The following MCF2L variants were observed in gnomAD, a reference collection of about 807,000 sequenced individuals.
MCF2L encodes the protein guanine nucleotide exchange factor DBS.
In MCF2L, 97 loss-of-function variants were observed where a neutral mutation model predicts 153.4. The ratio of observed to expected loss-of-function variants is 0.63; its 90% CI spans 0.54 to 0.75. The LOEUF is 0.75. Among genes scored for constraint, MCF2L ranks in the 30% least tolerant of loss-of-function variants. MCF2L has a pLI of 0.00. For missense variants in MCF2L, 1,347 were observed against 1,495.2 expected (o/e 0.90, Z 1.64); for synonymous variants, 659 against 632.2 (o/e 1.04, Z -0.64).
intron 3 of MCF2L, among the ~76,000 whole-genome samples, chr13:113,041,254 C>T (rs1443760910): frequency 6.6e-6 from 1 of 152,212 alleles, no homozygotes; most frequent in Non-Finnish European, 1.5e-5. Flanking sequence ...AGAAGCCACA[C>T]CACCCTCTCC....
chr13:113,054,461 C>T lies in MCF2L; in HGVS notation c.370-6132C>T, dbSNP rs141109005. The T allele has an allele frequency of 3.7e-3, 613 of 166,798 alleles. 2 individuals carry two copies. Among genetic ancestry groups the T allele is most frequent in the Non-Finnish European group, 6.7e-3 (458 of 68,116 alleles). The allele number at this position is 166,798 out of a possible 1,614,324, so 10.3% of individuals were successfully genotyped here. On this transcript the variant is annotated intron_variant, in intron 4 of 29. Coordinates refer to ENST00000535094, the MANE Select transcript of MCF2L (RefSeq NM_001112732.3). This position sits in a 1 kb window ranked among gnomAD's most constrained non-coding sequence, Gnocchi z 5.2. ...GGGTCCACGCCCATTGTTTTCCTCA[C>T]CCGGTCCAGCGTCTCTGATTCCGGC...
At chr13:113,095,509 G>A (rs2035571180) in intron 27 of MCF2L, 1 of 1,055,906 alleles carries the variant, frequency 9.5e-7, no homozygotes. Flanking sequence ...TTTGTGGGGT[G>A]TGGGGAGTGA....
chr13:113,002,078 C>A, intron 1 of MCF2L: 2 of 1,364,450 alleles, frequency 1.5e-6, no homozygotes, highest in Non-Finnish European at 1.9e-6. Context: ...CTGGGCCCAG[C>A]CCTGTCCTCA....
upstream of MCF2L, among the ~76,000 whole-genome samples, chr13:112,969,057 G>T (rs547493316): frequency 1.2e-3 from 183 of 151,822 alleles, no homozygotes; most frequent in African/African-American, 4.3e-3. The surrounding 1 kb of genome is among the most constrained non-coding windows in gnomAD (Gnocchi z 4.8). Context: ...GACCGCGGCG[G>T]TGACACGCGG....
chr13:113,081,294 G>C lies in MCF2L; in HGVS notation c.1875+15G>C. 6.4e-7 allele frequency: 1 copy of C among 1,572,790 alleles called. No individual in the cohort carries two copies. Among genetic ancestry groups the C allele is most frequent in the Non-Finnish European group, 8.6e-7 (1 of 1,160,486 alleles). On this transcript the variant is annotated intron_variant, in intron 16 of 29. Transcript: ENST00000535094. ...GCGTCCTGGAGGTGAGGCTGGACTC[G>C]GGGAGGGCCGACTGCCACGGGGACT...
chr13:113,070,158 G>C lies in MCF2L; in HGVS notation c.981G>C (p.Glu327Asp). Residue 327 changes from glutamate to aspartate, a missense_variant, in exon 9 of 30, where the codon GAG (glutamate) becomes GAC (aspartate). Glu to Asp is a conservative substitution (Grantham distance 45, BLOSUM62 2). Around this residue, in one of 3 missense-constraint regions of MCF2L, gnomAD observed 820 missense variants for 921.2 expected, o/e 0.89. Transcript: ENST00000535094. The surrounding 1 kb of genome is among the most constrained non-coding windows in gnomAD (Gnocchi z 5.6). ...LEQCLQLRHF[E>D]QGFREVKAIL... Reference sequence around the variant, plus strand: ...AGTGTCTGCAGCTCCGGCACTTTGAGCAGGGCTTCCGGGAGGTGAGTGGCC... The same window carrying C: ...AGTGTCTGCAGCTCCGGCACTTTGACCAGGGCTTCCGGGAGGTGAGTGGCC... The C allele has an allele frequency of 6.2e-7, 1 of 1,600,574 alleles. No individual in the cohort carries two copies. The highest frequency in any genetic ancestry group is 8.5e-7 in the Non-Finnish European group (1 of 1,175,286).
At chr13:112,995,886 G>A (rs1343116877) in intron 1 of MCF2L, among the ~76,000 whole-genome samples, 3 of 152,216 alleles carry the variant, frequency 2.0e-5, no homozygotes, top group Non-Finnish European at 2.9e-5. Flanking sequence ...ACTGACATCC[G>A]CATGCCAAGC....
At chr13:112,954,293 C>T (rs556560064) in intron 2 of MCF2L, among the ~76,000 whole-genome samples, 9 of 152,274 alleles carry the variant, frequency 5.9e-5, no homozygotes, top group Admixed American at 1.3e-4. Flanking sequence ...TGAGCCTTCT[C>T]ACCTGTCCAC....
At chr13:112,980,548 A>C (rs2082372285) in intron 1 of MCF2L, among the ~76,000 whole-genome samples, 1 of 150,542 alleles carries the variant, frequency 6.6e-6, no homozygotes, top group South Asian at 2.1e-4. Flanking sequence ...CAGCGAACAC[A>C]TCCAGGCGAT....
intron 4 of MCF2L, among the ~76,000 whole-genome samples, chr13:113,050,020 G>C (rs529527367): frequency 6.8e-6 from 1 of 147,508 alleles, no homozygotes; most frequent in East Asian, 2.0e-4. Flanking sequence ...ACCCACCCAG[G>C]GGGCAGAAAG....
At chr13:112,956,372 A>G (rs1257522342) in intron 2 of MCF2L, 1 of 152,266 alleles carries the variant, frequency 6.6e-6, no homozygotes, top group Non-Finnish European at 1.5e-5. Flanking sequence ...ATCAAGAAAT[A>G]TGGCCTGAAA....
rs77754101 is a variant in MCF2L, at chr13:112,926,228, G to A, written c.169+23857G>A. On this transcript the variant is annotated intron_variant, in intron 2 of 29. Coordinates refer to the MCF2L transcript ENST00000375608. ...CTATATGCACAGTGGAGTACTGTACGGCCTAATCTATATACACAGCGGAGT... is the reference window on the plus strand; with the variant it reads ...CTATATGCACAGTGGAGTACTGTACAGCCTAATCTATATACACAGCGGAGT... 2.2e-3 allele frequency among the ~76,000 whole-genome samples: 334 copies of A among 151,974 alleles called. 6 individuals are homozygous for A. In the East Asian group the frequency reaches 0.034, roughly 15 times the overall value.
At chr13:112,985,020 T>TTTC (rs1481737999) in intron 1 of MCF2L, 1 of 189,420 alleles carries the variant, frequency 5.3e-6, no homozygotes, top group Non-Finnish European at 1.1e-5. Context: ...ACCTGCTGCG[T>TTTC]TTCATCTTCC....
chr13:112,958,841 CA>C (rs2081790062), intron 2 of MCF2L, among the ~76,000 whole-genome samples: 1 of 152,156 alleles, frequency 6.6e-6, no homozygotes, highest in Non-Finnish European at 1.5e-5. Context: ...CCTGGAGGCT[CA>C]AGGTGACTTC....
intron 2 of MCF2L, among the ~76,000 whole-genome samples, chr13:113,016,940 G>C (rs1594674153): frequency 6.6e-6 from 1 of 152,214 alleles, no homozygotes. Context: ...GGTGCACCCA[G>C]CCTCAGAGCC....
At chr13:113,078,319 G>C in intron 13 of MCF2L, 44 bp from the exon 14 acceptor site, 2 of 1,481,862 alleles carry the variant, frequency 1.3e-6, no homozygotes, top group Non-Finnish European at 1.9e-6. Context: ...CCTCTCCAGA[G>C]GGTCAGAGGG....
At chr13:113,075,906 C>T (rs905087565) in intron 11 of MCF2L, 60 bp from the exon 12 acceptor site, 1 of 1,337,252 alleles carries the variant, frequency 7.5e-7, no homozygotes, top group Non-Finnish European at 1.0e-6. Flanking sequence ...TGTGCCTGGA[C>T]AGGGTGACGC....
intron 1 of MCF2L, among the ~76,000 whole-genome samples, chr13:113,005,277 A>C (rs1480114586): frequency 6.6e-6 from 1 of 152,224 alleles, no homozygotes; most frequent in African/African-American, 2.4e-5. Context: ...CAGAAAGGCA[A>C]AGCCACGGCC....
chr13:113,096,077 G>A (rs2035622131), intron 27 of MCF2L: 5 of 527,938 alleles, frequency 9.5e-6, no homozygotes, highest in Non-Finnish European at 1.7e-5. Flanking sequence ...CCTCCGGGAG[G>A]CGGGTATGCA....
Sources: gnomAD v4.1 joint callset for allele counts (sites outside exome capture counted in the v4.1 genomes callset) on GRCh38, gnomAD v4.1.1 for gene constraint, gnomAD v4.1.1 regional missense constraint, Gnocchi (gnomAD v3.1) non-coding constraint, MANE v1.5 for transcripts, NCBI Gene and HGNC (gene_info 2026-07-23, HGNC 2026-07-21) for gene names.